The following EPAS1 variants were observed in gnomAD, a reference collection of about 807,000 sequenced individuals.
EPAS1 encodes the protein endothelial PAS domain protein 1.
In EPAS1, 23 loss-of-function variants were observed where a neutral mutation model predicts 87.9. That is an observed-to-expected ratio of 0.26 (90% confidence interval 0.19 to 0.37). The LOEUF is 0.37. Ranked by LOEUF, EPAS1 falls within the 10% of genes least tolerant of loss-of-function variation. The pLI is 1.00. For missense variants in EPAS1, 1,138 were observed against 1,120.7 expected, an observed-to-expected ratio of 1.02 and a Z score of -0.22; for synonymous variants, 508 against 444.3, an observed-to-expected ratio of 1.14 and a Z score of -1.80.
chr2:46,359,361 G>T (rs1014278322), intron 4 of EPAS1, among the ~76,000 whole-genome samples: 3 of 149,100 alleles, frequency 2.0e-5, no homozygotes, highest in Admixed American at 1.3e-4. Context: ...AGCCACAAAT[G>T]AATCCCTCCA....
chr2:46,366,116 C>T (rs1255154444), intron 6 of EPAS1, among the ~76,000 whole-genome samples: 2 of 152,248 alleles, frequency 1.3e-5, no homozygotes, highest in East Asian at 1.9e-4. Flanking sequence ...TGAAGTCAGG[C>T]ACCGTGGCGC....
rs1684981722 is a variant in EPAS1, at chr2:46,384,978, C to G, written c.*318C>G. 1 of 390,134 alleles carries G rather than the reference C, an allele frequency of 2.6e-6. No homozygotes were observed. Among genetic ancestry groups the G allele is most frequent in the Non-Finnish European group, 4.9e-6 (1 of 205,912 alleles). 24.2% of individuals were successfully genotyped at this position (390,134 alleles called of 1,614,324 possible). A position where few individuals can be genotyped will look rare whatever the true frequency, so the allele number is the denominator to read the frequency against. ...TCTCTCCCTCCTTCTCCTTCTCACACACAACTGTCCATACTAACAAGTTTG... is the reference window on the plus strand; with the variant it reads ...TCTCTCCCTCCTTCTCCTTCTCACAGACAACTGTCCATACTAACAAGTTTG... On this transcript the variant is annotated 3_prime_UTR_variant, in exon 16 of 16. Coordinates refer to ENST00000263734, the MANE Select transcript of EPAS1 (RefSeq NM_001430.5).
intron 2 of EPAS1, among the ~76,000 whole-genome samples, chr2:46,351,217 T>G (rs752711854): frequency 9.9e-5 from 15 of 152,264 alleles, no homozygotes; most frequent in Non-Finnish European, 2.2e-4. Flanking sequence ...CTAGAGATAC[T>G]GACTTTGTTC....
chr2:46,337,650 T>C (rs1466905211), intron 1 of EPAS1, among the ~76,000 whole-genome samples: 1 of 152,094 alleles, frequency 6.6e-6, no homozygotes. Context: ...AAACCACAGA[T>C]GGTGTTGTTG....
At chr2:46,331,467 A>G (rs188308570) in intron 1 of EPAS1, among the ~76,000 whole-genome samples, 208 of 152,352 alleles carry the variant, frequency 1.4e-3, no homozygotes, top group Non-Finnish European at 2.8e-3. Flanking sequence ...TGTTTTAGCT[A>G]TGTAAGGGTG....
rs1042113726 is a variant in EPAS1 at position 46,375,018 on chromosome 2, A to G, written c.887-672A>G. On this transcript the variant is annotated intron_variant, in intron 7 of 15. Transcript: ENST00000263734. The surrounding 1 kb of genome is among the most constrained non-coding windows in gnomAD (Gnocchi z 4.1). ...GGGTCCCAGCTCTTTCTCAGCCCCA[A>G]CTGAGAAAGGGTGGGGTGGTTTGCC... Among the ~76,000 whole-genome samples the G allele has an allele frequency of 2.0e-5, 3 of 152,120 alleles. No homozygotes were observed. The highest frequency in any genetic ancestry group is 4.4e-5 in the Non-Finnish European group (3 of 68,010).
intron 1 of EPAS1, among the ~76,000 whole-genome samples, chr2:46,299,949 G>A (rs1047193613): frequency 1.3e-5 from 2 of 152,254 alleles, no homozygotes; most frequent in Non-Finnish European, 2.9e-5. Flanking sequence ...GGAGGCCGCT[G>A]TGTGAGCTGC....
intron 15 of EPAS1, among the ~76,000 whole-genome samples, chr2:46,383,050 G>A (rs544717092): frequency 6.6e-6 from 1 of 152,336 alleles, no homozygotes; most frequent in African/African-American, 2.4e-5. Flanking sequence ...CTGGGCAGAG[G>A]CAGGGGATCT....
intron 1 of EPAS1, among the ~76,000 whole-genome samples, chr2:46,312,663 C>CT (rs60771386): frequency 0.026 from 3,958 of 152,184 alleles, 68 homozygotes; most frequent in Non-Finnish European, 0.032. Flanking sequence ...GCTCTCAGGC[C>CT]TTTAAATTTC....
chr2:46,369,740 T>C, intron 6 of EPAS1, 87 bp from the exon 7 acceptor site: 2 of 901,530 alleles, frequency 2.2e-6, no homozygotes, highest in South Asian at 1.4e-5. Flanking sequence ...TGTGTTTGAT[T>C]TGCCTTCTGG....
intron 1 of EPAS1, among the ~76,000 whole-genome samples, chr2:46,342,434 T>C (rs1024041363): frequency 1.3e-5 from 2 of 152,258 alleles, no homozygotes; most frequent in Non-Finnish European, 2.9e-5. Context: ...TGATCCCAGC[T>C]GGCTTAATTA....
chr2:46,382,614 A>C lies in EPAS1; in HGVS notation c.2461+16A>C. The C allele has an allele frequency of 1.2e-6, 2 of 1,613,928 alleles. No homozygotes were observed. Among genetic ancestry groups the C allele is most frequent in the Non-Finnish European group, 8.5e-7 (1 of 1,179,996 alleles). On this transcript the variant is annotated intron_variant, in intron 15 of 15. Coordinates refer to ENST00000263734, the MANE Select transcript of EPAS1 (RefSeq NM_001430.5). ...AAGGTGTCAGGTGGGTGTGCCCAGG[A>C]TCTGTCACCCCCATCCCAGGATTCG...
At chr2:46,309,336 A>T (rs1377813771) in intron 1 of EPAS1, among the ~76,000 whole-genome samples, 3 of 152,224 alleles carry the variant, frequency 2.0e-5, no homozygotes, top group Non-Finnish European at 4.4e-5. Flanking sequence ...TGCACTCAGG[A>T]TGTCCTAAAA....
Position 46,356,164 on chromosome 2 carries a change from C to T in EPAS1, c.231C>T (p.Asn77=), listed in dbSNP as rs747845130. The change falls in exon 3 of 16, where the codon AAC becomes AAT. Residue 77 remains asparagine, a synonymous_variant. Coordinates refer to ENST00000263734, the MANE Select transcript of EPAS1 (RefSeq NM_001430.5). ...CCCCCTTTCCAGTTTGCTCTGAAAA[C>T]GAGTCCGAAGCCGAAGCTGACCAGC... ...HKLLSSVCSE[N]ESEAEADQQM... 258 of 1,318,492 alleles carry T rather than the reference C, an allele frequency of 2.0e-4. 1 individual carries two copies. Among genetic ancestry groups the T allele is most frequent in the Non-Finnish European group, 2.4e-4 (227 of 951,218 alleles). 81.7% of individuals were successfully genotyped at this position (1,318,492 alleles called of 1,614,324 possible).
At position 46,345,582 on chromosome 2, in the gene EPAS1, TATA is replaced by T. The variant is rs148653808; in HGVS notation, c.27-1273_27-1271del. ...GCAGTTTCCTCATATGTAAATTAGG[TATA>T]ATAATAATAATAATAATGCCTACTT... On this transcript the variant is annotated intron_variant, in intron 1 of 15. Transcript: ENST00000263734. 3.0e-3 allele frequency among the ~76,000 whole-genome samples: 458 copies of T among 151,496 alleles called. 4 individuals carry two copies. Among genetic ancestry groups the T allele is most frequent in the African/African-American group, 0.011 (436 of 41,346 alleles).
rs758312032 is a variant in EPAS1 at position 46,376,684 on chromosome 2, A to G, written c.1180A>G (p.Lys394Glu). Reference protein sequence around the residue: ...EKSNFLFTKLKEEPEELAQLA... With the variant: ...EKSNFLFTKLEEEPEELAQLA... Reference sequence around the variant, plus strand: ...GAGTAACTTCCTATTCACCAAGCTAAAGGAGGAGCCCGAGGAGCTGGCCCA... The same window carrying G: ...GAGTAACTTCCTATTCACCAAGCTAGAGGAGGAGCCCGAGGAGCTGGCCCA... The change falls in exon 9 of 16, where the codon AAG becomes GAG. Residue 394 changes from lysine to glutamate, a missense_variant. By Grantham distance (56) the Lys-to-Glu change is moderately conservative (BLOSUM62 1). Transcript: ENST00000263734. 2.9e-5 allele frequency: 46 copies of G among 1,613,820 alleles called. No homozygotes were observed. Among genetic ancestry groups the G allele is most frequent in the African/African-American group, 1.3e-5 (1 of 74,882 alleles).
Position 46,324,067 on chromosome 2 carries a change from TTTTG to T in EPAS1, c.27-22794_27-22791del, listed in dbSNP as rs1683506061. ...GCAAGGGCAGGGTGAATTATGGTTT[TTTTG>T]TTTGTTTGTTTTTGAGACGGAGTCT... On this transcript the variant is annotated intron_variant, in intron 1 of 15. Coordinates refer to ENST00000263734, the MANE Select transcript of EPAS1 (RefSeq NM_001430.5). Among the ~76,000 whole-genome samples the T allele has an allele frequency of 4.6e-5, 7 of 152,320 alleles. No individual in the cohort carries two copies. In the South Asian group the frequency reaches 1.2e-3, roughly 27 times the overall value.
rs1684867688 is a variant in EPAS1 at position 46,380,647 on chromosome 2, A to G, written c.1975A>G (p.Thr659Ala). ...AAAGTGGGCCGTCGGGGATCAGCGC[A>G]CAGAGTTCTTGGGAGCAGCGCCGTT... ...PTKWAVGDQR[T>A]EFLGAAPLGP... The change falls in exon 12 of 16, where the codon ACA (threonine) becomes GCA (alanine). Residue 659 changes from threonine to alanine, a missense_variant. Physicochemically the swap from Thr to Ala is moderately conservative, Grantham distance 58. This residue lies in a region of EPAS1 where 502 missense variants were observed against 427.1 expected (regional missense o/e 1.18). Transcript: ENST00000263734. This position sits in a 1 kb window ranked among gnomAD's most constrained non-coding sequence, Gnocchi z 4.4. 1.2e-6 allele frequency: 2 copies of G among 1,614,064 alleles called. No individual in the cohort carries two copies. The highest frequency in any genetic ancestry group is 1.7e-6 in the Non-Finnish European group (2 of 1,179,990).
In EPAS1 at chr2:46,386,577, G is replaced by T. The variant is rs748689684; in HGVS notation, c.*1917G>T. On this transcript the variant is annotated 3_prime_UTR_variant, in exon 16 of 16. Coordinates refer to ENST00000263734, the MANE Select transcript of EPAS1 (RefSeq NM_001430.5). ...TATTAACCCTACCTGTCAACGTAAC[G>T]ATTTCATGAACGTTATTATATTGTC... 6.6e-6 allele frequency: 1 copy of T among 152,576 alleles called. No homozygotes were observed. 9.5% of individuals were successfully genotyped at this position (152,576 alleles called of 1,614,324 possible). A position where few individuals can be genotyped will look rare whatever the true frequency, so the allele number is the denominator to read the frequency against.
Sources: allele counts gnomAD v4.1 joint callset (sites outside exome capture counted in the v4.1 genomes callset), GRCh38; gene constraint gnomAD v4.1.1; regional missense constraint gnomAD v4.1.1; non-coding constraint Gnocchi (gnomAD v3.1); transcripts MANE v1.5; gene names NCBI Gene and HGNC (gene_info 2026-07-23, HGNC 2026-07-21).